The following MYT1L variants were observed in gnomAD, a reference collection of about 807,000 sequenced individuals.
MYT1L encodes the protein myelin transcription factor 1-like protein.
A neutral mutation model predicts 126.7 loss-of-function variants in MYT1L; 12 were observed. The observed-to-expected ratio is 0.09, with a 90% CI of 0.06 to 0.15. The LOEUF (loss-of-function observed/expected upper bound fraction) is 0.15. MYT1L is among the 10% of genes least tolerant of loss of function. MYT1L has a pLI of 1.00. For missense variants in MYT1L, 979 were observed against 1,585.2 expected, an observed-to-expected ratio of 0.62 and a Z score of 6.49; for synonymous variants, 541 against 604.2, an observed-to-expected ratio of 0.90 and a Z score of 1.53.
intron 4 of MYT1L, among the ~76,000 whole-genome samples, chr2:2,053,610 CA>C (rs2069111532): frequency 6.6e-6 from 1 of 152,012 alleles, no homozygotes; most frequent in African/African-American, 2.4e-5. Context: ...TAAAATATCC[CA>C]AAATAGAACT....
chr2:1,886,048 C>T (rs1216947371), intron 18 of MYT1L: 2 of 152,320 alleles, frequency 1.3e-5, no homozygotes, highest in Non-Finnish European at 2.9e-5. Context: ...GATCCCCGAA[C>T]CGTGAGTTGT....
intron 3 of MYT1L, among the ~76,000 whole-genome samples, chr2:2,158,889 G>T (rs551183356): frequency 6.7e-6 from 1 of 149,564 alleles, no homozygotes; most frequent in East Asian, 2.0e-4. Flanking sequence ...GTGAATGCTG[G>T]TATTTCCTGC....
At chr2:1,813,401 C>T (rs1337887724) in intron 21 of MYT1L, among the ~76,000 whole-genome samples, 1 of 152,166 alleles carries the variant, frequency 6.6e-6, no homozygotes, top group Non-Finnish European at 1.5e-5. Flanking sequence ...GCTGTGATTG[C>T]CCCCACTCCC....
chr2:2,194,401 G>A (rs185665154), intron 2 of MYT1L, among the ~76,000 whole-genome samples: 3 of 152,254 alleles, frequency 2.0e-5, no homozygotes, highest in East Asian at 1.9e-4. Flanking sequence ...TTTAGAACAC[G>A]ACAGAAACTT....
At chr2:1,999,132 T>C (rs1263606833) in intron 4 of MYT1L, among the ~76,000 whole-genome samples, 1 of 152,212 alleles carries the variant, frequency 6.6e-6, no homozygotes, top group East Asian at 1.9e-4. Flanking sequence ...TTAAATAATA[T>C]ATCAAAAATG....
chr2:1,916,398 T>C (rs1027179840), intron 11 of MYT1L, among the ~76,000 whole-genome samples: 70 of 152,298 alleles, frequency 4.6e-4, no homozygotes, highest in African/African-American at 1.7e-3. Context: ...TAAGGGAAAC[T>C]CTTCCCATGC....
chr2:1,892,499 CTTTTTCCT>C (rs1235427091), intron 14 of MYT1L, among the ~76,000 whole-genome samples: 2 of 148,954 alleles, frequency 1.3e-5, no homozygotes, highest in East Asian at 2.0e-4. Context: ...TTCTTTTTTC[CTTTTTCCT>C]TTTTTTTTTT....
At chr2:1,833,212 T>C (rs2040419234) in intron 21 of MYT1L, among the ~76,000 whole-genome samples, 1 of 152,172 alleles carries the variant, frequency 6.6e-6, no homozygotes, top group Non-Finnish European at 1.5e-5. Context: ...CTTGCCCCAG[T>C]GCCCGCATCC....
chr2:2,187,928 A>G (rs967254678), intron 2 of MYT1L, among the ~76,000 whole-genome samples: 2 of 152,146 alleles, frequency 1.3e-5, no homozygotes, highest in African/African-American at 4.8e-5. Context: ...TATATAATAA[A>G]CATGTATGCA....
chr2:1,915,371 G>A (rs985965949), intron 11 of MYT1L, among the ~76,000 whole-genome samples: 4 of 152,212 alleles, frequency 2.6e-5, no homozygotes, highest in South Asian at 2.1e-4. Flanking sequence ...CCTTGCCTCC[G>A]AGAGCGATCT....
chr2:2,004,592 T>C (rs866605863), intron 4 of MYT1L, among the ~76,000 whole-genome samples: 1 of 148,792 alleles, frequency 6.7e-6, no homozygotes, highest in Non-Finnish European at 1.5e-5. Flanking sequence ...CTTTCCTGCA[T>C]GCGTTCTTTC....
At chr2:2,129,673 G>A (rs2082119766) in intron 3 of MYT1L, among the ~76,000 whole-genome samples, 1 of 152,150 alleles carries the variant, frequency 6.6e-6, no homozygotes, top group Non-Finnish European at 1.5e-5. Flanking sequence ...TTGGGAGACT[G>A]AGGTGGGCGG....
At chr2:2,013,153 T>G (rs1384978549) in intron 4 of MYT1L, among the ~76,000 whole-genome samples, 1 of 152,132 alleles carries the variant, frequency 6.6e-6, no homozygotes, top group Non-Finnish European at 1.5e-5. Flanking sequence ...TATCTCAAAG[T>G]TGTTGATATA....
chr2:2,121,960 C>T (rs910657883), intron 3 of MYT1L, among the ~76,000 whole-genome samples: 1 of 152,144 alleles, frequency 6.6e-6, no homozygotes, highest in East Asian at 1.9e-4. Context: ...ATGCCGGCCC[C>T]GATGGCAGGG....
chr2:1,961,936 A>C (rs2058994852), intron 8 of MYT1L, among the ~76,000 whole-genome samples: 1 of 152,240 alleles, frequency 6.6e-6, no homozygotes, highest in African/African-American at 2.4e-5. Flanking sequence ...TGTGTATTTC[A>C]AAATAGCTAG....
At chr2:1,957,988 G>A (rs973429378) in intron 8 of MYT1L, among the ~76,000 whole-genome samples, 2 of 152,202 alleles carry the variant, frequency 1.3e-5, no homozygotes, top group African/African-American at 2.4e-5. Context: ...GTCTGATAAG[G>A]CAGAGGGAAG....
At chr2:2,101,441 C>T (rs1460402271) in intron 3 of MYT1L, among the ~76,000 whole-genome samples, 1 of 152,094 alleles carries the variant, frequency 6.6e-6, no homozygotes, top group Admixed American at 6.6e-5. Flanking sequence ...ATTAAATCCA[C>T]TCATCAATCT....
chr2:1,792,653 T>A (rs188023812), intron 23 of MYT1L, among the ~76,000 whole-genome samples, 189 bp from the exon 24 acceptor site: 472 of 152,212 alleles, frequency 3.1e-3, no homozygotes, highest in Non-Finnish European at 5.5e-3. Flanking sequence ...GCAGGTCACT[T>A]GAGGTCAGGA....
intron 18 of MYT1L, among the ~76,000 whole-genome samples, chr2:1,869,147 T>C (rs1007151869): frequency 6.6e-6 from 1 of 152,174 alleles, no homozygotes; most frequent in African/African-American, 2.4e-5. Context: ...ACGTGTTAGC[T>C]GCAATCCTCT....
Sources: gnomAD v4.1 joint callset for allele counts (sites outside exome capture counted in the v4.1 genomes callset) on GRCh38, gnomAD v4.1.1 for gene constraint, MANE v1.5 for transcripts, NCBI Gene and HGNC (gene_info 2026-07-23, HGNC 2026-07-21) for gene names.